DLEC1: variants seen among roughly 807,000 people sequenced by gnomAD.
DLEC1 encodes the protein DLEC1 cilia and flagella associated protein.
In DLEC1, 146 loss-of-function variants were observed where a neutral mutation model predicts 198.1. The observed-to-expected ratio is 0.74, with a 90% confidence interval of 0.64 to 0.85. The LOEUF (loss-of-function observed/expected upper bound fraction) is 0.85. Ranked by LOEUF, DLEC1 falls within the 40% of genes least tolerant of loss-of-function variation. The probability of loss-of-function intolerance (pLI) is 0.00; values close to 1 mark genes in which losing one functional copy is unlikely to be tolerated. For missense variants in DLEC1, 2,233 were observed against 2,220.0 expected (o/e 1.01, Z -0.12); for synonymous variants, 897 against 866.8 (o/e 1.03, Z -0.61).
chr3:38,085,579 A>G (rs1188139949), intron 8 of DLEC1, 132 bp downstream of exon 8: 2 of 1,051,126 alleles, frequency 1.9e-6, no homozygotes, highest in Non-Finnish European at 2.7e-6. Context: ...TGGGTCCTGC[A>G]GAGGAAACTG....
At position 38,088,154 on chromosome 3, in the gene DLEC1, A is replaced by G. The variant is rs563566706; in HGVS notation, c.1573-142A>G. The G allele has an allele frequency of 1.4e-4, 97 of 694,282 alleles. No individual in the cohort carries two copies. The African/African-American group carries it at 1.5e-3, about 11-fold the overall frequency. The allele number at this position is 694,282 out of a possible 1,614,324, so 43.0% of individuals were successfully genotyped here. A position where few individuals can be genotyped will look rare whatever the true frequency, so the allele number is the denominator to read the frequency against. ...AATGCCTGCTGAATGAATAAGCCTC[A>G]GTTTTTTCATTACCATGTGACTGGA... On this transcript the variant is annotated intron_variant, in intron 9 of 36. Coordinates refer to ENST00000308059, the MANE Select transcript of DLEC1 (RefSeq NM_007335.4).
chr3:38,107,622 T>C lies in DLEC1; in HGVS notation c.2903T>C (p.Val968Ala). The C allele has an allele frequency of 6.2e-7, 1 of 1,613,886 alleles. No individual in the cohort carries two copies. Among genetic ancestry groups the C allele is most frequent in the Non-Finnish European group, 8.5e-7 (1 of 1,179,864 alleles). ...TATGCTGAGGTACAGAAGCCCCATGTGTACCTACAGAGCAGCCAGGTGGAG... is the reference window on the plus strand; with the variant it reads ...TATGCTGAGGTACAGAAGCCCCATGCGTACCTACAGAGCAGCCAGGTGGAG... ...PVYAEVQKPH[V>A]YLQSSQVEVR... Residue 968 changes from valine to alanine, a missense_variant, in exon 20 of 37, where the codon GTG becomes GCG. By Grantham distance (64) the Val-to-Ala change is moderately conservative. Coordinates refer to ENST00000308059, the MANE Select transcript of DLEC1 (RefSeq NM_007335.4).
chr3:38,109,690 A>ACTGTGGC, intron 22 of DLEC1, 128 bp downstream of exon 22: 1 of 1,485,388 alleles, frequency 6.7e-7, no homozygotes, highest in Non-Finnish European at 9.1e-7. Flanking sequence ...AAAACGCCAC[A>ACTGTGGC]GTGTTATTGC....
rs112893412 is a variant in DLEC1 at position 38,052,452 on chromosome 3, C to T, written c.562+6759C>T. On this transcript the variant is annotated intron_variant, in intron 2 of 36. Transcript: ENST00000308059. Reference sequence around the variant, plus strand: ...AGGGAAATCTCCCAACAGCCAGAAACGAAGAGGGAGCTGAAACCAGAACCG... The same window carrying T: ...AGGGAAATCTCCCAACAGCCAGAAATGAAGAGGGAGCTGAAACCAGAACCG... 1.6e-3 allele frequency: 326 copies of T among 201,172 alleles called. 3 individuals carry two copies. Among genetic ancestry groups the T allele is most frequent in the African/African-American group, 6.4e-3 (277 of 43,274 alleles). The allele number at this position is 201,172 out of a possible 1,614,324, so 12.5% of individuals were successfully genotyped here.
intron 2 of DLEC1, among the ~76,000 whole-genome samples, chr3:38,057,280 C>T (rs972901996): frequency 6.6e-6 from 1 of 152,218 alleles, no homozygotes; most frequent in Non-Finnish European, 1.5e-5. Context: ...CACCTGAGGT[C>T]AGGAGTTTGA....
intron 33 of DLEC1, among the ~76,000 whole-genome samples, chr3:38,120,157 C>G (rs1700375802): frequency 6.6e-6 from 1 of 152,214 alleles, no homozygotes. Flanking sequence ...TGCCTCTGAG[C>G]CCAACCACAG....
chr3:38,091,180 C>T (rs1017636730), intron 10 of DLEC1, among the ~76,000 whole-genome samples: 6 of 152,058 alleles, frequency 3.9e-5, no homozygotes, highest in African/African-American at 1.4e-4. Context: ...GCACTGGCAA[C>T]AAAAGTGAAA....
chr3:38,100,389 C>T lies in DLEC1; in HGVS notation c.2828C>T (p.Thr943Ile). 6.2e-7 allele frequency: 1 copy of T among 1,613,844 alleles called. No homozygotes were observed. Among genetic ancestry groups the T allele is most frequent in the Non-Finnish European group, 8.5e-7 (1 of 1,179,936 alleles). Residue 943 changes from threonine to isoleucine, a missense_variant, in exon 19 of 37, where the codon ACC (threonine) becomes ATC (isoleucine). Transcript: ENST00000308059. The part of the protein sequence containing the change: ...LEALHCQHLE[T>I]VLELEVENGA... ...GCCCTGCACTGCCAGCATCTGGAGA[C>T]CGTCCTGGAGCTGGAGGTGGAAAAT... is the stretch of plus-strand genomic sequence containing the variant.
chr3:38,051,922 T>C (rs1575387748), intron 2 of DLEC1: 1 of 160,366 alleles, frequency 6.2e-6, no homozygotes, highest in Non-Finnish European at 1.4e-5. Context: ...ATTACAGCAC[T>C]ATCAATGACC....
intron 12 of DLEC1, 83 bp from the exon 13 acceptor site, chr3:38,094,796 T>A: frequency 6.7e-7 from 1 of 1,489,632 alleles, no homozygotes; most frequent in Non-Finnish European, 9.1e-7. Flanking sequence ...TGCTCCCTCT[T>A]GGAGCAGGGC....
intron 24 of DLEC1, 141 bp downstream of exon 24, chr3:38,111,888 A>G (rs1467303764): frequency 5.3e-6 from 5 of 947,864 alleles, no homozygotes; most frequent in Non-Finnish European, 7.6e-6. Flanking sequence ...CCACCTGACA[A>G]TGCCTCTTCC....
At position 38,122,474 on chromosome 3, in the gene DLEC1, G is replaced by A. The variant is rs773298710; in HGVS notation, c.*62G>A. ...GAGAAAAAACATTGCCCAGGGATTA[G>A]GAGCAGCTCTTCAGCACAAAGACAC... On this transcript the variant is annotated 3_prime_UTR_variant, in exon 37 of 37. Transcript: ENST00000308059. The A allele has an allele frequency of 2.7e-5, 44 of 1,613,518 alleles. No homozygotes were observed. In the South Asian group the frequency reaches 3.5e-4, roughly 13 times the overall value.
intron 23 of DLEC1, among the ~76,000 whole-genome samples, chr3:38,110,659 G>A (rs949368442): frequency 5.9e-5 from 9 of 152,170 alleles, no homozygotes; most frequent in African/African-American, 9.7e-5. Context: ...CACTGATAGC[G>A]TGCCTGGGCT....
Position 38,096,771 on chromosome 3 carries a change from C to A in DLEC1, c.2340+34C>A, listed in dbSNP as rs753185693. 10 of 1,571,806 alleles carry A rather than the reference C, an allele frequency of 6.4e-6. No individual in the cohort carries two copies. The African/African-American group carries it at 1.4e-4, about 21-fold the overall frequency. On this transcript the variant is annotated intron_variant, in intron 15 of 36. Transcript: ENST00000308059. ...TTGTCTCTCCCCTGCCTAGGCTGGC[C>A]GAGGCAGTGTTGACATGAGTGCAAG...
At chr3:38,041,826 C>T (rs139688501) in intron 1 of DLEC1, among the ~76,000 whole-genome samples, 1,460 of 129,402 alleles carry the variant, frequency 0.011, 18 homozygotes, top group Middle Eastern at 0.06. Context: ...CCAGCCTGGG[C>T]GACAGAACGA....
chr3:38,096,270 C>G (rs1323529991), intron 14 of DLEC1, among the ~76,000 whole-genome samples: 1 of 152,166 alleles, frequency 6.6e-6, no homozygotes, highest in Non-Finnish European at 1.5e-5. Flanking sequence ...ATGGTGTAAA[C>G]CTTCAGGCTG....
chr3:38,092,670 G>A (rs886545499), intron 10 of DLEC1, 120 bp from the exon 11 acceptor site: 8 of 898,486 alleles, frequency 8.9e-6, no homozygotes, highest in Non-Finnish European at 1.5e-5. Context: ...AGGTGGCAGG[G>A]AGGGGAACAG....
Position 38,062,360 on chromosome 3 carries a change from C to A in DLEC1, c.865C>A (p.Pro289Thr), listed in dbSNP as rs776704507. ...TPKAKERTRE[P>T]LKKASQPRNK... ...TAAGGCCAAAGAAAGGACCAGAGAACCTCTCAAGGTCAGTTTGGAAGGCTG... is the reference window on the plus strand; with the variant it reads ...TAAGGCCAAAGAAAGGACCAGAGAAACTCTCAAGGTCAGTTTGGAAGGCTG... The change falls in exon 4 of 37, where the codon CCT (proline) becomes ACT (threonine). Residue 289 changes from proline to threonine, a missense_variant. Coordinates refer to ENST00000308059, the MANE Select transcript of DLEC1 (RefSeq NM_007335.4). 3.7e-6 allele frequency: 6 copies of A among 1,614,148 alleles called. No homozygotes were observed. The highest frequency in any genetic ancestry group is 3.3e-4 in the Middle Eastern group (2 of 6,062).
intron 6 of DLEC1, among the ~76,000 whole-genome samples, chr3:38,075,489 G>A (rs1469816547): frequency 2.0e-5 from 3 of 152,036 alleles, no homozygotes; most frequent in African/African-American, 7.3e-5. Flanking sequence ...GGGAGAAGAA[G>A]GAGGAATGGA....
Sources: gnomAD v4.1 joint callset for allele counts (sites outside exome capture counted in the v4.1 genomes callset) on GRCh38, gnomAD v4.1.1 for gene constraint, MANE v1.5 for transcripts, NCBI Gene and HGNC (gene_info 2026-07-23, HGNC 2026-07-21) for gene names.